The following ZNF536 variants were observed in gnomAD, a reference collection of about 807,000 sequenced individuals.
ZNF536 encodes the protein zinc finger protein 536.
ZNF536 carries 13 observed loss-of-function variants against 84.5 expected under a neutral mutation model. The observed-to-expected ratio is 0.15, with a 90% CI of 0.10 to 0.24. ZNF536 has a LOEUF of 0.24. Among genes scored for constraint, ZNF536 ranks in the 10% least tolerant of loss-of-function variants. The pLI is 1.00. For synonymous variants in ZNF536, 811 were observed against 742.5 expected, an observed-to-expected ratio of 1.09 and a Z score of -1.50; for missense variants, 1,536 against 1,747.5, an observed-to-expected ratio of 0.88 and a Z score of 2.16.
intron 2 of ZNF536, among the ~76,000 whole-genome samples, chr19:30,323,933 A>G (rs1249143804): frequency 6.6e-6 from 1 of 151,576 alleles, no homozygotes. Flanking sequence ...CCCTCCATCC[A>G]TCTGTCCATC....
chr19:30,289,092 G>T (rs1480902452), intron 2 of ZNF536, among the ~76,000 whole-genome samples: 2 of 152,070 alleles, frequency 1.3e-5, no homozygotes, highest in African/African-American at 4.8e-5. Flanking sequence ...ATCACTGGGG[G>T]CTTGGGATTT....
intron 2 of ZNF536, among the ~76,000 whole-genome samples, chr19:30,464,492 CAAG>C (rs1208043544): frequency 1.3e-5 from 2 of 152,126 alleles, no homozygotes; most frequent in Non-Finnish European, 1.5e-5. Context: ...GAACAAATTT[CAAG>C]AATAAGAAGG....
At chr19:30,636,589 C>T (rs765531252) in intron 1 of ZNF536, among the ~76,000 whole-genome samples, 2 of 152,096 alleles carry the variant, frequency 1.3e-5, no homozygotes, top group South Asian at 2.1e-4. Flanking sequence ...ACCCATTTTG[C>T]GATGTTGGAT....
intron 2 of ZNF536, among the ~76,000 whole-genome samples, chr19:30,306,053 T>C (rs2046334045): frequency 1.3e-5 from 2 of 152,394 alleles, no homozygotes; most frequent in South Asian, 2.1e-4. Flanking sequence ...TATTCACCCA[T>C]TTATTCATTT....
intron 1 of ZNF536, among the ~76,000 whole-genome samples, chr19:30,377,336 T>TG (rs1365939595): frequency 6.6e-6 from 1 of 152,092 alleles, no homozygotes; most frequent in East Asian, 1.9e-4. Flanking sequence ...AGTTAGCCTT[T>TG]GGGCCAGGGG....
At chr19:30,585,719 A>G (rs1434768348) in intron 1 of ZNF536, among the ~76,000 whole-genome samples, 1 of 151,366 alleles carries the variant, frequency 6.6e-6, no homozygotes, top group African/African-American at 2.4e-5. Flanking sequence ...CTCATCTCCA[A>G]CTCTGCATCT....
chr19:30,248,771 T>C (rs2145029463), intron 1 of ZNF536, among the ~76,000 whole-genome samples: 1 of 152,302 alleles, frequency 6.6e-6, no homozygotes, highest in East Asian at 1.9e-4. Context: ...GCAGTGGTTC[T>C]GAGGAATGAT....
chr19:30,652,810 C>T (rs1244405494), intron 1 of ZNF536, among the ~76,000 whole-genome samples: 7 of 152,180 alleles, frequency 4.6e-5, no homozygotes, highest in Non-Finnish European at 7.3e-5. Context: ...TGACCTTCAC[C>T]TGGGGCGTGG....
At chr19:30,271,129 C>G (rs1169151542) in intron 1 of ZNF536, among the ~76,000 whole-genome samples, 1 of 152,046 alleles carries the variant, frequency 6.6e-6, no homozygotes, top group South Asian at 2.1e-4. Flanking sequence ...GGGATAGGAA[C>G]TTTACCATGC....
At chr19:30,520,343 G>A (rs1686735087) in intron 2 of ZNF536, among the ~76,000 whole-genome samples, 1 of 152,158 alleles carries the variant, frequency 6.6e-6, no homozygotes, top group African/African-American at 2.4e-5. Flanking sequence ...AGGACTGAAG[G>A]GCCCTGGGAC....
At chr19:30,541,729 C>T (rs1169505849) in intron 3 of ZNF536, among the ~76,000 whole-genome samples, 1 of 152,178 alleles carries the variant, frequency 6.6e-6, no homozygotes, top group Admixed American at 6.5e-5. Flanking sequence ...CTAATGAACA[C>T]TGCAGTGGGT....
chr19:30,613,514 G>A (rs1004636998), intron 1 of ZNF536, among the ~76,000 whole-genome samples: 3 of 151,690 alleles, frequency 2.0e-5, no homozygotes. Flanking sequence ...TATTTGATGG[G>A]TTATAAATCC....
At chr19:30,495,276 C>A (rs1337122444) in intron 2 of ZNF536, among the ~76,000 whole-genome samples, 1 of 152,178 alleles carries the variant, frequency 6.6e-6, no homozygotes, top group Non-Finnish European at 1.5e-5. Flanking sequence ...AGTGAAGACT[C>A]CAGTGCCAGA....
intron 1 of ZNF536, among the ~76,000 whole-genome samples, chr19:30,620,514 T>G (rs980074625): frequency 3.3e-5 from 5 of 152,138 alleles, no homozygotes; most frequent in African/African-American, 1.2e-4. Flanking sequence ...TTCCGGTGAT[T>G]CCTGGCTTTT....
intron 1 of ZNF536, among the ~76,000 whole-genome samples, chr19:30,275,505 G>A (rs778556784): frequency 7.9e-5 from 12 of 152,132 alleles, no homozygotes; most frequent in Admixed American, 6.5e-5. Flanking sequence ...GAGGCTCTCC[G>A]AGGCTGTAGG....
At chr19:30,322,817 C>T (rs144176271) in intron 2 of ZNF536, among the ~76,000 whole-genome samples, 60 of 152,078 alleles carry the variant, frequency 3.9e-4, no homozygotes, top group African/African-American at 9.4e-4. Flanking sequence ...AGATGGCCTG[C>T]GGTCCTGCCT....
chr19:30,685,532 G>A (rs1242221888), intron 1 of ZNF536, among the ~76,000 whole-genome samples: 2 of 152,070 alleles, frequency 1.3e-5, no homozygotes, highest in Admixed American at 1.3e-4. Context: ...GAGACGGAAG[G>A]GATGGATTGG....
At chr19:30,232,746 C>G (rs953084385) in intron 1 of ZNF536, among the ~76,000 whole-genome samples, 30 of 152,264 alleles carry the variant, frequency 2.0e-4, no homozygotes, top group African/African-American at 7.2e-4. Context: ...TTGGGTGGAA[C>G]TTAACAGATG....
chr19:30,368,682 A>G (rs1352907930), upstream of ZNF536, among the ~76,000 whole-genome samples: 1 of 152,232 alleles, frequency 6.6e-6, no homozygotes, highest in African/African-American at 2.4e-5. Flanking sequence ...TGAGCCACAC[A>G]AGTTATGAGT....
Sources: allele counts gnomAD v4.1 joint callset (sites outside exome capture counted in the v4.1 genomes callset), GRCh38; gene constraint gnomAD v4.1.1; transcripts MANE v1.5; gene names NCBI Gene and HGNC (gene_info 2026-07-23, HGNC 2026-07-21).